The following STAM variants were observed in gnomAD, a reference collection of about 807,000 sequenced individuals.
STAM encodes the protein signal transducing adaptor molecule.
In STAM, 16 loss-of-function variants were observed where a neutral mutation model predicts 63.4. The observed-to-expected ratio is 0.25, with a 90% confidence interval of 0.17 to 0.38. The LOEUF (loss-of-function observed/expected upper bound fraction) is 0.38, where lower values mean the gene tolerates loss of function less well. Among genes scored for constraint, STAM ranks in the 10% least tolerant of loss-of-function variants. The pLI, the probability that STAM is intolerant of heterozygous loss-of-function variation, is 1.00. For missense variants in STAM, 636 were observed against 657.1 expected, an observed-to-expected ratio of 0.97 and a Z score of 0.35; for synonymous variants, 238 against 223.9, an observed-to-expected ratio of 1.06 and a Z score of -0.56.
chr10:17,703,119 T>C (rs1836089549), intron 9 of STAM, among the ~76,000 whole-genome samples: 1 of 151,428 alleles, frequency 6.6e-6, no homozygotes. Context: ...TAATTTTAAA[T>C]ATTGTATAGT....
chr10:17,711,725 C>T (rs1275567644), intron 13 of STAM, among the ~76,000 whole-genome samples: 2 of 152,104 alleles, frequency 1.3e-5, no homozygotes, highest in South Asian at 4.1e-4. Context: ...AGCACACTTA[C>T]CAAGGGTTGA....
At chr10:17,666,122 T>G (rs1554823360) in intron 2 of STAM, among the ~76,000 whole-genome samples, 1 of 152,180 alleles carries the variant, frequency 6.6e-6, no homozygotes, top group African/African-American at 2.4e-5. Flanking sequence ...AAAATTAAAG[T>G]TCTGTAATTG....
chr10:17,670,059 G>A (rs1834574207), intron 2 of STAM, among the ~76,000 whole-genome samples: 1 of 151,840 alleles, frequency 6.6e-6, no homozygotes, highest in Non-Finnish European at 1.5e-5. Context: ...GGGTAGACGG[G>A]ATTATAGCAT....
Position 17,660,545 on chromosome 10 carries a change from C to G in STAM, c.122C>G (p.Thr41Ser). ...TGTGATAAAGTTGGTCAGTCTCGCA[C>G]TGGGTAAGTATTTAGCGTTTCAAAG... is the stretch of plus-strand genomic sequence containing the variant. ...DICDKVGQSR[T>S]GPKDCLRSIM... The change falls in exon 2 of 14, where the codon ACT (threonine) becomes AGT (serine). Residue 41 changes from threonine to serine, a missense_variant. By Grantham distance (58) the Thr-to-Ser change is moderately conservative. Around this residue, in one of 3 missense-constraint regions of STAM, gnomAD observed 87 missense variants for 80.3 expected, o/e 1.08. Transcript: ENST00000377524. 6.3e-7 allele frequency: 1 copy of G among 1,596,244 alleles called. No individual in the cohort carries two copies. Among genetic ancestry groups the G allele is most frequent in the Non-Finnish European group, 8.5e-7 (1 of 1,170,856 alleles).
intron 10 of STAM, 73 bp downstream of exon 10, chr10:17,704,591 G>A: frequency 7.9e-7 from 1 of 1,266,566 alleles, no homozygotes; most frequent in South Asian, 1.2e-5. Context: ...TTAAAGAATG[G>A]GTTTTGAGGA....
At chr10:17,672,273 CATT>C (rs1834672054) in intron 2 of STAM, among the ~76,000 whole-genome samples, 2 of 152,160 alleles carry the variant, frequency 1.3e-5, no homozygotes, top group Admixed American at 6.5e-5. Flanking sequence ...AATATAGTGA[CATT>C]GTTGAAAACT....
intron 13 of STAM, among the ~76,000 whole-genome samples, chr10:17,710,967 G>A (rs1836527789): frequency 6.6e-6 from 1 of 152,116 alleles, no homozygotes; most frequent in South Asian, 2.1e-4. Context: ...TTTCAACGGG[G>A]AAATGAGGAA....
chr10:17,657,410 G>C (rs1253683325), intron 1 of STAM, among the ~76,000 whole-genome samples: 1 of 152,168 alleles, frequency 6.6e-6, no homozygotes, highest in Non-Finnish European at 1.5e-5. Context: ...GTTCATGAGA[G>C]ATATTGGCCT....
intron 1 of STAM, among the ~76,000 whole-genome samples, chr10:17,653,355 A>C (rs7099359): frequency 6.6e-6 from 1 of 152,168 alleles, no homozygotes; most frequent in African/African-American, 2.4e-5. Context: ...ACAGAGTTAA[A>C]TGTTTGTTTT....
chr10:17,692,284 CAA>C (rs1244568505), intron 5 of STAM, among the ~76,000 whole-genome samples: 5 of 152,138 alleles, frequency 3.3e-5, no homozygotes, highest in African/African-American at 1.2e-4. Context: ...TAATAACAAA[CAA>C]GAGAATGTGT....
At chr10:17,654,436 A>T (rs972489489) in intron 1 of STAM, among the ~76,000 whole-genome samples, 1 of 152,046 alleles carries the variant, frequency 6.6e-6, no homozygotes, top group East Asian at 1.9e-4. Flanking sequence ...GTTAGCCAGG[A>T]TGGTCTCTAT....
chr10:17,647,444 T>C (rs1303612624), intron 1 of STAM, among the ~76,000 whole-genome samples: 3 of 152,148 alleles, frequency 2.0e-5, no homozygotes, highest in Non-Finnish European at 4.4e-5. Flanking sequence ...TTCCCCTTTT[T>C]GCAACTTCTA....
At chr10:17,702,230 A>T (rs1176688776) in intron 9 of STAM, among the ~76,000 whole-genome samples, 2 of 152,206 alleles carry the variant, frequency 1.3e-5, no homozygotes, top group Non-Finnish European at 2.9e-5. Context: ...ATATGAATGA[A>T]TCTAATACTG....
intron 6 of STAM, among the ~76,000 whole-genome samples, chr10:17,693,580 A>G (rs2131653655): frequency 6.6e-6 from 1 of 152,302 alleles, no homozygotes. Flanking sequence ...TTTTTTGTAG[A>G]TAGTACACGG....
chr10:17,678,059 A>G (rs1310055183), intron 2 of STAM, among the ~76,000 whole-genome samples: 1 of 152,170 alleles, frequency 6.6e-6, no homozygotes, highest in African/African-American at 2.4e-5. Flanking sequence ...AGTTTGTGCA[A>G]CAGTATCTAA....
chr10:17,710,533 G>A (rs1006051643), intron 13 of STAM, among the ~76,000 whole-genome samples: 1 of 152,186 alleles, frequency 6.6e-6, no homozygotes, highest in Admixed American at 6.5e-5. Context: ...TTCTTTAGTT[G>A]TTAGCTTAGC....
At position 17,714,857 on chromosome 10, in the gene STAM, A is replaced by C; in HGVS notation, c.*77A>C. The C allele has an allele frequency of 7.5e-7, 1 of 1,340,448 alleles. No individual in the cohort carries two copies. Among genetic ancestry groups the C allele is most frequent in the Non-Finnish European group, 1.1e-6 (1 of 934,820 alleles). 83.0% of individuals were successfully genotyped at this position (1,340,448 alleles called of 1,614,324 possible). On this transcript the variant is annotated 3_prime_UTR_variant, in exon 14 of 14. Coordinates refer to ENST00000377524, the MANE Select transcript of STAM (RefSeq NM_003473.4). ...TTATGAGATTCATTACTATCTTAAGATGTGTTTATCCTCAGCTTATAGGAA... is the reference window on the plus strand; with the variant it reads ...TTATGAGATTCATTACTATCTTAAGCTGTGTTTATCCTCAGCTTATAGGAA...
At chr10:17,702,869 G>A (rs946949237) in intron 9 of STAM, among the ~76,000 whole-genome samples, 7 of 152,022 alleles carry the variant, frequency 4.6e-5, no homozygotes, top group Non-Finnish European at 8.8e-5. Context: ...TTCGCTGGAC[G>A]TGGTGGTGTG....
chr10:17,709,421 C>A (rs1446767869), intron 13 of STAM, among the ~76,000 whole-genome samples: 2 of 152,086 alleles, frequency 1.3e-5, no homozygotes, highest in Admixed American at 1.3e-4. Flanking sequence ...TATCAAGGTA[C>A]CCCATTTGAA....
Sources: gnomAD v4.1 joint callset for allele counts (sites outside exome capture counted in the v4.1 genomes callset) on GRCh38, gnomAD v4.1.1 for gene constraint, gnomAD v4.1.1 regional missense constraint, MANE v1.5 for transcripts, NCBI Gene and HGNC (gene_info 2026-07-23, HGNC 2026-07-21) for gene names.